DNAH12: variants seen among roughly 807,000 people sequenced by gnomAD.
DNAH12 encodes axonemal beta dynein heavy chain 12.
DNAH12 carries 285 observed loss-of-function variants against 371.5 expected under a neutral mutation model. The ratio of observed to expected loss-of-function variants is 0.77; its 90% confidence interval spans 0.70 to 0.85. The LOEUF is 0.85. Ranked by LOEUF, DNAH12 falls within the 40% of genes least tolerant of loss-of-function variation. DNAH12 has a pLI of 0.00. For missense variants in DNAH12, 3,611 were observed against 3,689.4 expected, an observed-to-expected ratio of 0.98 and a Z score of 0.55; for synonymous variants, 1,200 against 1,213.0, an observed-to-expected ratio of 0.99 and a Z score of 0.22.
At chr3:57,431,612 T>G (rs1023522586) in intron 32 of DNAH12, among the ~76,000 whole-genome samples, 5 of 152,218 alleles carry the variant, frequency 3.3e-5, no homozygotes, top group East Asian at 1.9e-4. Flanking sequence ...GGTCTAATGC[T>G]TCTACCATTC....
intron 32 of DNAH12, among the ~76,000 whole-genome samples, chr3:57,430,024 G>C (rs976372370): frequency 6.6e-6 from 1 of 152,012 alleles, no homozygotes; most frequent in South Asian, 2.1e-4. Flanking sequence ...AGAATTGTAG[G>C]AAGGGGGACT....
rs2068390906 is a variant in DNAH12, at chr3:57,520,625, T to C, written c.279+2958A>G. 3.3e-5 allele frequency among the ~76,000 whole-genome samples: 5 copies of C among 151,426 alleles called. No homozygotes were observed. In the South Asian group the frequency reaches 8.4e-4, roughly 25 times the overall value. On this transcript the variant is annotated intron_variant, in intron 4 of 73. Transcript: ENST00000495027. ...GCCCAGCTAATTTTTTGTATTTTAGTAGAGACGGGGTTTCACCGTGTTAGC... is the reference window on the plus strand; with the variant it reads ...GCCCAGCTAATTTTTTGTATTTTAGCAGAGACGGGGTTTCACCGTGTTAGC...
At chr3:57,425,579 T>C (rs1040558407) in intron 34 of DNAH12, among the ~76,000 whole-genome samples, 6 of 152,180 alleles carry the variant, frequency 3.9e-5, no homozygotes, top group Admixed American at 1.3e-4. Context: ...TCATAAGGTC[T>C]TTATAATATT....
rs779791239 is a variant in DNAH12 at position 57,489,719 on chromosome 3, A to G, written c.1336-32T>C. On this transcript the variant is annotated intron_variant, in intron 11 of 73. Transcript: ENST00000495027. ...AAAAAGTGTTCAAATGAAAAAAAAA[A>G]TGTTTAGAACTTTCAGTGATTTTAT... is the stretch of plus-strand genomic sequence containing the variant. 6.2e-6 allele frequency: 9 copies of G among 1,461,306 alleles called. No individual in the cohort carries two copies. The East Asian group carries it at 2.4e-4, about 38-fold the overall frequency. 90.5% of individuals were successfully genotyped at this position (1,461,306 alleles called of 1,614,324 possible).
chr3:57,338,264 G>A (rs1016376912), intron 60 of DNAH12, among the ~76,000 whole-genome samples: 11 of 152,336 alleles, frequency 7.2e-5, no homozygotes, highest in South Asian at 2.1e-4. Flanking sequence ...TGCCCGCCTC[G>A]GCCTCCCGAG....
intron 4 of DNAH12, among the ~76,000 whole-genome samples, chr3:57,514,996 T>C (rs887051381): frequency 1.3e-5 from 2 of 152,156 alleles, no homozygotes; most frequent in Non-Finnish European, 2.9e-5. Context: ...TAAGTAAACC[T>C]TGTGGCTAAT....
rs759097908 is a variant in DNAH12 at position 57,526,527 on chromosome 3, C to CTTTTTTTTT, written c.171-2652_171-2644dup. On this transcript the variant is annotated intron_variant, in intron 2 of 73. Coordinates refer to ENST00000495027, the MANE Select transcript of DNAH12 (RefSeq NM_001366028.2). ...ATGGACACTGAGGTTGTTTCCAGAT[C>CTTTTTTTTT]TTTTTTTTTTTTTTTTTTTTGAGAC... is the stretch of plus-strand genomic sequence containing the variant. 1.6e-5 allele frequency among the ~76,000 whole-genome samples: 2 copies of CTTTTTTTTT among 121,246 alleles called. 1 individual carries two copies. 79.5% of individuals were successfully genotyped at this position (121,246 alleles called of 152,430 possible). A position where few individuals can be genotyped will look rare whatever the true frequency, so the allele number is the denominator to read the frequency against.
intron 69 of DNAH12, among the ~76,000 whole-genome samples, chr3:57,308,669 C>T (rs2061521283): frequency 6.6e-6 from 1 of 152,120 alleles, no homozygotes; most frequent in African/African-American, 2.4e-5. Flanking sequence ...CAAGCCATCA[C>T]AGCTGATATC....
At chr3:57,411,537 AAAAAAAAAAAAAAAAAAAG>A (rs2064203944) in intron 39 of DNAH12, among the ~76,000 whole-genome samples, 1 of 111,180 alleles carries the variant, frequency 9.0e-6, no homozygotes, top group African/African-American at 3.0e-5. Context: ...AAAAAAAAAA[AAAAAAAAAAAAAAAAAAAG>A]AAAGAAAGAA....
chr3:57,451,672 C>G (rs1443324694), intron 25 of DNAH12, among the ~76,000 whole-genome samples: 1 of 152,066 alleles, frequency 6.6e-6, no homozygotes, highest in Non-Finnish European at 1.5e-5. Context: ...AATTCTGTTA[C>G]AGTGGGTAGC....
intron 11 of DNAH12, among the ~76,000 whole-genome samples, chr3:57,491,460 T>C (rs1202414266): frequency 6.6e-6 from 1 of 152,206 alleles, no homozygotes; most frequent in Non-Finnish European, 1.5e-5. Context: ...CTATGTATGT[T>C]ATATTTCACA....
intron 43 of DNAH12, among the ~76,000 whole-genome samples, chr3:57,397,416 C>G (rs2153349660): frequency 6.6e-6 from 1 of 152,328 alleles, no homozygotes; most frequent in East Asian, 1.9e-4. Context: ...CAAATCATGG[C>G]TCCTTCCTCA....
At chr3:57,448,545 G>C (rs188606997) in intron 25 of DNAH12, among the ~76,000 whole-genome samples, 20 of 152,352 alleles carry the variant, frequency 1.3e-4, no homozygotes, top group African/African-American at 4.8e-4. Flanking sequence ...GACCCAGAGT[G>C]AGCAGTAGCA....
chr3:57,514,432 C>A (rs953138294), intron 4 of DNAH12, among the ~76,000 whole-genome samples: 5 of 150,488 alleles, frequency 3.3e-5, no homozygotes, highest in Admixed American at 2.6e-4. Context: ...CAAAAAAAAG[C>A]AAAATGCAAG....
chr3:57,403,896 T>A (rs2063946264), intron 42 of DNAH12, among the ~76,000 whole-genome samples: 1 of 152,158 alleles, frequency 6.6e-6, no homozygotes, highest in Non-Finnish European at 1.5e-5. Context: ...CACTGGTAAT[T>A]AGGTTAATTA....
intron 59 of DNAH12, among the ~76,000 whole-genome samples, chr3:57,355,555 A>G (rs922994264): frequency 1.3e-4 from 20 of 151,920 alleles, no homozygotes; most frequent in Admixed American, 3.9e-4. Context: ...TATACCCAGG[A>G]ATGGAATTGC....
chr3:57,451,174 G>C (rs556257424), intron 25 of DNAH12, among the ~76,000 whole-genome samples: 164 of 152,250 alleles, frequency 1.1e-3, no homozygotes, highest in African/African-American at 3.8e-3. Flanking sequence ...CTTTGCACAA[G>C]AATTGCCACT....
chr3:57,295,523 A>G lies in DNAH12; in HGVS notation c.11692+2T>C. The G allele has an allele frequency of 3.2e-6, 5 of 1,546,794 alleles. No individual in the cohort carries two copies. The highest frequency in any genetic ancestry group is 4.4e-6 in the Non-Finnish European group (5 of 1,144,476). On this transcript the variant is annotated splice_donor_variant, in intron 73 of 73. Transcript: ENST00000495027. LOFTEE classifies it high-confidence loss of function. ...AATAAATTTTGTTGAGAGAATATTTACTTGGTTTTATCCATATGATGGGCA... is the reference window on the plus strand; with the variant it reads ...AATAAATTTTGTTGAGAGAATATTTGCTTGGTTTTATCCATATGATGGGCA...
At chr3:57,397,938 A>G (rs1364771696) in intron 43 of DNAH12, among the ~76,000 whole-genome samples, 2 of 152,192 alleles carry the variant, frequency 1.3e-5, no homozygotes, top group Non-Finnish European at 2.9e-5. Context: ...AACAAAATAA[A>G]GCTCCAGAAA....
Sources: allele counts gnomAD v4.1 joint callset (sites outside exome capture counted in the v4.1 genomes callset), GRCh38; gene constraint gnomAD v4.1.1; transcripts MANE v1.5; gene names NCBI Gene and HGNC (gene_info 2026-07-23, HGNC 2026-07-21).